The following HS3ST3A1 variants were observed in gnomAD, a reference collection of about 807,000 sequenced individuals.
HS3ST3A1 encodes heparan sulfate glucosamine 3-O-sulfotransferase 3A1.
Under a neutral mutation model 25.7 loss-of-function variants are expected in HS3ST3A1, and 19 were observed. That is an observed-to-expected ratio of 0.74 (90% CI 0.52 to 1.08). The LOEUF (loss-of-function observed/expected upper bound fraction) is 1.08, where lower values mean the gene tolerates loss of function less well. Ranked by LOEUF, HS3ST3A1 falls within the 50% of genes least tolerant of loss-of-function variation. The probability of loss-of-function intolerance (pLI) is 0.00; values close to 1 mark genes in which losing one functional copy is unlikely to be tolerated. For missense variants in HS3ST3A1, 459 were observed against 594.3 expected, an observed-to-expected ratio of 0.77 and a Z score of 2.37; for synonymous variants, 226 against 278.6, an observed-to-expected ratio of 0.81 and a Z score of 1.88.
chr17:13,599,436 T>C (rs1908660617), intron 1 of HS3ST3A1, among the ~76,000 whole-genome samples: 1 of 152,228 alleles, frequency 6.6e-6, no homozygotes, highest in Non-Finnish European at 1.5e-5. Flanking sequence ...GAATGATTAA[T>C]TTAATGGGCT....
chr17:13,503,047 G>T (rs186265834), intron 1 of HS3ST3A1, among the ~76,000 whole-genome samples: 1 of 151,674 alleles, frequency 6.6e-6, no homozygotes. Flanking sequence ...GCGTGTTGGC[G>T]TGTGCCTGTA....
chr17:13,578,535 C>T (rs1477175526), intron 1 of HS3ST3A1, among the ~76,000 whole-genome samples: 2 of 147,058 alleles, frequency 1.4e-5, no homozygotes, highest in Non-Finnish European at 3.0e-5. Context: ...TGCACTCCAG[C>T]CCGGGTGACA....
intron 1 of HS3ST3A1, among the ~76,000 whole-genome samples, chr17:13,570,243 C>T (rs1195080497): frequency 6.6e-6 from 1 of 152,152 alleles, no homozygotes; most frequent in Non-Finnish European, 1.5e-5. Context: ...AAAGAAGGAC[C>T]TTCTCCATGC....
rs549229439 is a variant in HS3ST3A1, at chr17:13,545,891, C to T, written c.600-49073G>A. 5.8e-4 allele frequency among the ~76,000 whole-genome samples: 88 copies of T among 152,176 alleles called. No homozygotes were observed. The South Asian group carries it at 0.017, about 29-fold the overall frequency. On this transcript the variant is annotated intron_variant, in intron 1 of 1. Coordinates refer to ENST00000284110, the MANE Select transcript of HS3ST3A1 (RefSeq NM_006042.3). ...ACTCAGGAGGCTGAGGCAGGAGAAT[C>T]GCTTGAACCCAGGAAGCAGAGGCTG...
intron 1 of HS3ST3A1, among the ~76,000 whole-genome samples, chr17:13,563,327 A>G (rs1324015037): frequency 6.6e-6 from 1 of 152,126 alleles, no homozygotes; most frequent in Non-Finnish European, 1.5e-5. Context: ...TTCCTGCTGC[A>G]GAAGGGACAA....
chr17:13,525,519 G>A (rs1268349277), intron 1 of HS3ST3A1, among the ~76,000 whole-genome samples: 1 of 151,946 alleles, frequency 6.6e-6, no homozygotes, highest in African/African-American at 2.4e-5. Context: ...GATACATTTA[G>A]GCCACTTTCA....
At chr17:13,541,711 C>T (rs934082939) in intron 1 of HS3ST3A1, among the ~76,000 whole-genome samples, 2 of 152,128 alleles carry the variant, frequency 1.3e-5, no homozygotes, top group Admixed American at 6.5e-5. Flanking sequence ...TTAGGTTGAG[C>T]CTTTGAACAT....
intron 1 of HS3ST3A1, among the ~76,000 whole-genome samples, chr17:13,500,814 GTTC>G (rs1450206596): frequency 2.0e-5 from 3 of 152,278 alleles, no homozygotes; most frequent in Non-Finnish European, 4.4e-5. Context: ...ATACACAGTT[GTTC>G]TTCTCCCCAT....
chr17:13,580,575 C>A (rs151179117), intron 1 of HS3ST3A1, among the ~76,000 whole-genome samples: 59 of 152,094 alleles, frequency 3.9e-4, no homozygotes, highest in Non-Finnish European at 7.2e-4. Flanking sequence ...AGCTTAAAGC[C>A]AGATTTTAGG....
At chr17:13,546,639 C>G (rs1280829484) in intron 1 of HS3ST3A1, among the ~76,000 whole-genome samples, 1 of 152,198 alleles carries the variant, frequency 6.6e-6, no homozygotes, top group African/African-American at 2.4e-5. Flanking sequence ...AATGGCACCC[C>G]CTCTTTCAGC....
At chr17:13,585,239 G>A (rs371037734) in intron 1 of HS3ST3A1, among the ~76,000 whole-genome samples, 26 of 101,580 alleles carry the variant, frequency 2.6e-4, no homozygotes, top group Middle Eastern at 0.013. Context: ...TTGCTCTGTC[G>A]CCCAGGCTGG....
intron 1 of HS3ST3A1, among the ~76,000 whole-genome samples, chr17:13,504,417 T>A (rs1905588661): frequency 6.6e-6 from 1 of 152,104 alleles, no homozygotes; most frequent in Admixed American, 6.5e-5. Flanking sequence ...ATAAAAAATG[T>A]TCTTAAACAG....
At chr17:13,577,299 T>C (rs1907969330) in intron 1 of HS3ST3A1, among the ~76,000 whole-genome samples, 1 of 152,204 alleles carries the variant, frequency 6.6e-6, no homozygotes, top group Non-Finnish European at 1.5e-5. Flanking sequence ...CTAAGGTTTC[T>C]TCACCCTGAG....
At chr17:13,556,668 A>G (rs1027437770) in intron 1 of HS3ST3A1, among the ~76,000 whole-genome samples, 1 of 151,982 alleles carries the variant, frequency 6.6e-6, no homozygotes, top group African/African-American at 2.4e-5. Context: ...CCTGGCCAAC[A>G]TGGTGAAACC....
intron 1 of HS3ST3A1, among the ~76,000 whole-genome samples, chr17:13,546,592 T>C (rs1907095134): frequency 6.6e-6 from 1 of 152,206 alleles, no homozygotes; most frequent in Non-Finnish European, 1.5e-5. Context: ...ATTGCCGTTA[T>C]CTTGCAGTAG....
chr17:13,592,399 T>G (rs1908450559), intron 1 of HS3ST3A1, among the ~76,000 whole-genome samples: 1 of 152,154 alleles, frequency 6.6e-6, no homozygotes, highest in Admixed American at 6.5e-5. Flanking sequence ...TCACCTCACC[T>G]CTAAAATGAT....
Position 13,526,474 on chromosome 17 carries a change from T to TTATATATATA in HS3ST3A1, c.600-29666_600-29657dup, listed in dbSNP as rs58701744. Among the ~76,000 whole-genome samples, 408 of 76,178 alleles carry TTATATATATA rather than the reference T, an allele frequency of 5.4e-3. 6 individuals carry two copies. Among genetic ancestry groups the TTATATATATA allele is most frequent in the African/African-American group, 6.3e-3 (120 of 19,014 alleles). 50.0% of individuals were successfully genotyped at this position (76,178 alleles called of 152,430 possible). On this transcript the variant is annotated intron_variant, in intron 1 of 1. Coordinates refer to ENST00000284110, the MANE Select transcript of HS3ST3A1 (RefSeq NM_006042.3). ...TTGAACTTGGATACAACTTTAATTT[T>TTATATATATA]TATATATATATATATATATATATAT...
chr17:13,585,508 CTTT>C, intron 1 of HS3ST3A1, among the ~76,000 whole-genome samples: 1 of 146,692 alleles, frequency 6.8e-6, no homozygotes, highest in Non-Finnish European at 1.5e-5. Context: ...CCCTATTCTC[CTTT>C]TTTTTTTTTC....
chr17:13,534,547 C>CAAAAAAAAAAAA lies in HS3ST3A1; in HGVS notation c.600-37741_600-37730dup, dbSNP rs34383911. Among the ~76,000 whole-genome samples, 94 of 32,828 alleles carry CAAAAAAAAAAAA rather than the reference C, an allele frequency of 2.9e-3. 5 individuals are homozygous for CAAAAAAAAAAAA. The highest frequency in any genetic ancestry group is 4.5e-3 in the Non-Finnish European group (76 of 16,968). 21.5% of individuals were successfully genotyped at this position (32,828 alleles called of 152,430 possible). A position where few individuals can be genotyped will look rare whatever the true frequency, so the allele number is the denominator to read the frequency against. On this transcript the variant is annotated intron_variant, in intron 1 of 1. Transcript: ENST00000284110. Reference sequence around the variant, plus strand: ...GGTGAAACTTCATCTCTACAAAATCCAAAAAAAAAAAAAAAAAAAAAAAAA... The same window carrying CAAAAAAAAAAAA: ...GGTGAAACTTCATCTCTACAAAATCCAAAAAAAAAAAAAAAAAAAAAAAAAAAAAAAAAAAAA...
Sources: gnomAD v4.1 joint callset for allele counts (sites outside exome capture counted in the v4.1 genomes callset) on GRCh38, gnomAD v4.1.1 for gene constraint, MANE v1.5 for transcripts, NCBI Gene and HGNC (gene_info 2026-07-23, HGNC 2026-07-21) for gene names.